The following MMRN1 variants were observed in gnomAD, a reference collection of about 807,000 sequenced individuals.
MMRN1 encodes the protein multimerin 1, also known as multimerin-1.
MMRN1 carries 94 observed loss-of-function variants against 100.7 expected under a neutral mutation model. The observed-to-expected ratio is 0.93, with a 90% CI of 0.79 to 1.11. The LOEUF (loss-of-function observed/expected upper bound fraction) is 1.11, where lower values mean the gene tolerates loss of function less well. MMRN1 is among the 50% of genes least tolerant of loss of function. The pLI, the probability that MMRN1 is intolerant of heterozygous loss-of-function variation, is 0.00. For missense variants in MMRN1, 1,606 were observed against 1,439.1 expected (o/e 1.12, Z -1.88); for synonymous variants, 575 against 505.0 (o/e 1.14, Z -1.86).
At chr4:89,887,498 A>G (rs775701321) in intron 1 of MMRN1, among the ~76,000 whole-genome samples, 6 of 152,070 alleles carry the variant, frequency 3.9e-5, no homozygotes, top group Non-Finnish European at 5.9e-5. Flanking sequence ...AAATCCACAC[A>G]TTTACAGTGA....
chr4:89,881,151 G>A (rs928099974), intron 1 of MMRN1, among the ~76,000 whole-genome samples: 3 of 152,050 alleles, frequency 2.0e-5, no homozygotes, highest in African/African-American at 7.2e-5. Context: ...TGATAACACA[G>A]TTTGCATACA....
At chr4:89,928,019 G>T in intron 5 of MMRN1, 51 bp downstream of exon 5, 1 of 1,388,556 alleles carries the variant, frequency 7.2e-7, no homozygotes, top group South Asian at 1.5e-5. Context: ...GAAAGCAAAT[G>T]ATTCATTTTT....
At chr4:89,888,551 T>C (rs1473958995) in intron 1 of MMRN1, among the ~76,000 whole-genome samples, 1 of 152,014 alleles carries the variant, frequency 6.6e-6, no homozygotes, top group African/African-American at 2.4e-5. Context: ...CTCTCTTTTC[T>C]TCTTTATTCC....
chr4:89,934,121 G>T (rs1310761629), intron 5 of MMRN1, among the ~76,000 whole-genome samples: 2 of 151,464 alleles, frequency 1.3e-5, no homozygotes, highest in African/African-American at 2.4e-5. Flanking sequence ...TTCATTACTT[G>T]CAAGTTTTCT....
At chr4:89,939,174 A>T (rs1722746923) in intron 6 of MMRN1, among the ~76,000 whole-genome samples, 1 of 152,114 alleles carries the variant, frequency 6.6e-6, no homozygotes, top group Non-Finnish European at 1.5e-5. Flanking sequence ...GGTGGGACAC[A>T]CTGTTTAAAT....
intron 6 of MMRN1, among the ~76,000 whole-genome samples, chr4:89,937,329 T>A (rs1247029861): frequency 6.6e-6 from 1 of 151,868 alleles, no homozygotes; most frequent in Non-Finnish European, 1.5e-5. Context: ...TTGGTATCAG[T>A]GGATTGGTTG....
At chr4:89,924,769 G>T (rs1223058001) in intron 4 of MMRN1, among the ~76,000 whole-genome samples, 1 of 152,044 alleles carries the variant, frequency 6.6e-6, no homozygotes, top group South Asian at 2.1e-4. Flanking sequence ...GCTTGAACCC[G>T]GGAGGCAGAG....
intron 3 of MMRN1, among the ~76,000 whole-genome samples, chr4:89,914,442 G>A (rs1405723515): frequency 6.6e-6 from 1 of 151,042 alleles, no homozygotes; most frequent in Non-Finnish European, 1.5e-5. Context: ...TCAAAATACT[G>A]GTAGCCACAG....
intron 1 of MMRN1, among the ~76,000 whole-genome samples, chr4:89,885,326 C>A (rs947269585): frequency 9.2e-5 from 14 of 152,046 alleles, no homozygotes; most frequent in Non-Finnish European, 1.9e-4. Context: ...ACAATGCTAT[C>A]ATTTTGTTTA....
rs775912900 is a variant in MMRN1 at position 89,935,873 on chromosome 4, A to G, written c.2193A>G (p.Thr731=). The G allele has an allele frequency of 1.2e-6, 2 of 1,610,958 alleles. No homozygotes were observed. Among genetic ancestry groups the G allele is most frequent in the Non-Finnish European group, 1.7e-6 (2 of 1,178,588 alleles). Residue 731 remains threonine (T), a synonymous_variant, in exon 6 of 8, where the codon ACA becomes ACG. Transcript: ENST00000264790. ...AAATGGAAGATGGCCTCAATAAGAC[A>G]ATGACTATTATAAATAATGCTATTG... ...ALEMEDGLNK[T]MTIINNAIDF...
exon 1 of MMRN1, chr4:89,879,593 G>A (rs1463231654): frequency 2.0e-5 from 3 of 152,130 alleles, no homozygotes; most frequent in Non-Finnish European, 4.4e-5. Flanking sequence ...CACGGGCAAA[G>A]AATATTAAGG....
intron 1 of MMRN1, among the ~76,000 whole-genome samples, chr4:89,886,183 G>T (rs1187499064): frequency 1.3e-5 from 2 of 151,434 alleles, no homozygotes; most frequent in African/African-American, 4.9e-5. Context: ...GAACCACTGT[G>T]CCTGGCCCCT....
chr4:89,934,500 G>A (rs1428359400), intron 5 of MMRN1, among the ~76,000 whole-genome samples: 1 of 152,090 alleles, frequency 6.6e-6, no homozygotes, highest in Non-Finnish European at 1.5e-5. Context: ...TAGAATTATT[G>A]TACACAAGGG....
rs1384203206 is a variant in MMRN1, at chr4:89,923,324, T to C, written c.955+52T>C. ...CTGACCCAATTATTGTCAATGCTAT[T>C]TATTACAACTTCCAAGCAAGAAATC... On this transcript the variant is annotated intron_variant, in intron 4 of 7. Transcript: ENST00000264790. The C allele has an allele frequency of 2.0e-6, 3 of 1,471,712 alleles. No homozygotes were observed. The East Asian group carries it at 6.8e-5, about 33-fold the overall frequency. The allele number at this position is 1,471,712 out of a possible 1,614,324, so 91.2% of individuals were successfully genotyped here.
intron 3 of MMRN1, among the ~76,000 whole-genome samples, chr4:89,915,740 G>A (rs1348333366): frequency 1.3e-5 from 2 of 151,440 alleles, no homozygotes; most frequent in Non-Finnish European, 3.0e-5. Flanking sequence ...TGGGAGAAAA[G>A]CAAAAAGGAA....
chr4:89,935,248 C>T lies in MMRN1; in HGVS notation c.1568C>T (p.Thr523Ile). ...LKEVHEQLLSTEQVSDQKNAP... is the reference protein window; with the variant it reads ...LKEVHEQLLSIEQVSDQKNAP... ...GAAGTACATGAGCAGCTTTTATCAA[C>T]TGAACAGGTATCAGACCAGAAGAAT... The change falls in exon 6 of 8, where the codon ACT (threonine) becomes ATT (isoleucine). Residue 523 changes from threonine (T) to isoleucine (I), a missense_variant. By Grantham distance (89) the Thr-to-Ile change is moderately conservative. Coordinates refer to ENST00000264790, the MANE Select transcript of MMRN1 (RefSeq NM_007351.3). The T allele has an allele frequency of 6.2e-7, 1 of 1,613,748 alleles. No homozygotes were observed. The highest frequency in any genetic ancestry group is 1.3e-5 in the African/African-American group (1 of 75,036).
rs1295424403 is a variant in MMRN1, at chr4:89,911,990, G to A, written c.790G>A (p.Val264Ile). ...TGTCTATAGGATGCAACATAAAATT[G>A]TCACCTCATTGGATTGGAGGTGCTG... The part of the protein sequence containing the change: ...NPVYRMQHKI[V>I]TSLDWRCCPG... The change falls in exon 3 of 8, where the codon GTC becomes ATC. Residue 264 changes from valine to isoleucine, a missense_variant. By Grantham distance (29) the Val-to-Ile change is conservative. Transcript: ENST00000264790. The A allele has an allele frequency of 3.7e-6, 6 of 1,604,188 alleles. No individual in the cohort carries two copies. Among genetic ancestry groups the A allele is most frequent in the African/African-American group, 2.7e-5 (2 of 74,124 alleles).
At chr4:89,943,969 G>A (rs1044676132) in intron 6 of MMRN1, among the ~76,000 whole-genome samples, 8 of 149,716 alleles carry the variant, frequency 5.3e-5, no homozygotes, top group East Asian at 1.9e-4. Context: ...GCAGCAGAGC[G>A]AGACTCTGTC....
chr4:89,945,301 A>G (rs1722953917), intron 6 of MMRN1, among the ~76,000 whole-genome samples: 3 of 152,320 alleles, frequency 2.0e-5, no homozygotes, highest in African/African-American at 4.8e-5. Context: ...TAAAGCTGCT[A>G]TAAACATTCA....
Sources: gnomAD v4.1 joint callset for allele counts (sites outside exome capture counted in the v4.1 genomes callset) on GRCh38, gnomAD v4.1.1 for gene constraint, MANE v1.5 for transcripts, NCBI Gene and HGNC (gene_info 2026-07-23, HGNC 2026-07-21) for gene names.